The following GRK2 variants were observed in gnomAD, a reference collection of about 807,000 sequenced individuals.
GRK2 encodes the protein adrenergic beta receptor kinase 1.
A neutral mutation model predicts 97.8 loss-of-function variants in GRK2; 23 were observed. The ratio of observed to expected loss-of-function variants is 0.24; its 90% CI spans 0.17 to 0.33. GRK2 has a LOEUF of 0.33. Ranked by LOEUF, GRK2 falls within the 10% of genes least tolerant of loss-of-function variation. GRK2 has a pLI of 1.00. For synonymous variants in GRK2, 425 were observed against 381.7 expected, an observed-to-expected ratio of 1.11 and a Z score of -1.32; for missense variants, 633 against 956.9, an observed-to-expected ratio of 0.66 and a Z score of 4.47.
In GRK2 at chr11:67,279,402, G is replaced by A. The variant is rs1157822246; in HGVS notation, c.265-16G>A. ...CTGCTGGGCTCTAGATGACCTGCAGGAATCCTGTCCTCCAGATCAAGAAGT... is the reference window on the plus strand; with the variant it reads ...CTGCTGGGCTCTAGATGACCTGCAGAAATCCTGTCCTCCAGATCAAGAAGT... On this transcript the variant is annotated splice_polypyrimidine_tract_variant and intron_variant, in intron 3 of 20. Transcript: ENST00000308595. The A allele has an allele frequency of 3.7e-6, 6 of 1,612,980 alleles. No homozygotes were observed. In the Admixed American group the frequency reaches 1.0e-4, roughly 27 times the overall value.
Position 67,283,784 on chromosome 11 carries a change from G to C in GRK2, c.1395+11G>C. ...GTCTTCTTGCAGAAGGTAACAGTCT[G>C]CGGCAGGGACTGGGGGTGCTCTGCA... On this transcript the variant is annotated intron_variant, in intron 16 of 20. Transcript: ENST00000308595. The C allele has an allele frequency of 6.2e-7, 1 of 1,613,488 alleles. No individual in the cohort carries two copies. Among genetic ancestry groups the C allele is most frequent in the Non-Finnish European group, 8.5e-7 (1 of 1,179,954 alleles).
intron 18 of GRK2, 172 bp downstream of exon 18, chr11:67,284,545 G>A: frequency 1.2e-6 from 1 of 801,094 alleles, no homozygotes; most frequent in Non-Finnish European, 1.9e-6. Context: ...AGCACTTTGG[G>A]AGGCCAAGGA....
In GRK2 at chr11:67,281,194, C is replaced by G; in HGVS notation, c.647+10C>G. 1 of 1,608,758 alleles carries G rather than the reference C, an allele frequency of 6.2e-7. No homozygotes were observed. Among genetic ancestry groups the G allele is most frequent in the South Asian group, 1.1e-5 (1 of 90,712 alleles). On this transcript the variant is annotated intron_variant, in intron 8 of 20. Transcript: ENST00000308595. The surrounding 1 kb of genome is among the most constrained non-coding windows in gnomAD (Gnocchi z 5.7). ...CTGACACAGGCAAGATGTGAGCACC[C>G]TGCTCGGCGCGGTGGGATACCTCGG...
Position 67,276,979 on chromosome 11 carries a change from GC to G in GRK2, c.114-291del, listed in dbSNP as rs1860044423. The G allele has an allele frequency of 3.4e-6, 1 of 292,084 alleles. No individual in the cohort carries two copies. The highest frequency in any genetic ancestry group is 7.5e-5 in the South Asian group (1 of 13,372). The allele number at this position is 292,084 out of a possible 1,614,324, so 18.1% of individuals were successfully genotyped here. ...TGACTTGGCCAAGTTCCCAAAGCCA[GC>G]CGGTGGCATCACTGGGACGAGACCC... On this transcript the variant is annotated intron_variant, in intron 1 of 20. Transcript: ENST00000308595. This position sits in a 1 kb window ranked among gnomAD's most constrained non-coding sequence, Gnocchi z 4.2.
Position 67,282,617 on chromosome 11 carries a change from A to G in GRK2, c.1160+75A>G. The G allele has an allele frequency of 6.4e-7, 1 of 1,568,214 alleles. No homozygotes were observed. Among genetic ancestry groups the G allele is most frequent in the East Asian group, 2.2e-5 (1 of 44,604 alleles). On this transcript the variant is annotated intron_variant, in intron 13 of 20. Transcript: ENST00000308595. This position sits in a 1 kb window ranked among gnomAD's most constrained non-coding sequence, Gnocchi z 6.9. ...CCTCCCCAATCCAGGTGGGATGCCA[A>G]AGGAGGGGAGCCCATAGCTGCCTTG... is the stretch of plus-strand genomic sequence containing the variant.
At chr11:67,272,294 G>A (rs754261443) in intron 1 of GRK2, among the ~76,000 whole-genome samples, 7 of 152,168 alleles carry the variant, frequency 4.6e-5, no homozygotes, top group Admixed American at 1.3e-4. Flanking sequence ...GTGCTCTAGT[G>A]GAGGCCGTTT....
chr11:67,273,914 A>G (rs1859965518), intron 1 of GRK2, among the ~76,000 whole-genome samples: 1 of 151,452 alleles, frequency 6.6e-6, no homozygotes, highest in Non-Finnish European at 1.5e-5. Context: ...GGAACCAAGC[A>G]TGCTTCCCCC....
chr11:67,266,734 GCTAC>G lies in GRK2; in HGVS notation c.38_41del (p.Tyr13Ter). On this transcript the variant is annotated frameshift_variant, in exon 1 of 21. Coordinates refer to ENST00000308595, the MANE Select transcript of GRK2 (RefSeq NM_001619.5). LOFTEE classifies it high-confidence loss of function. ...CTGGAGGCGGTGCTGGCCGACGTGA[GCTAC>G]CTGATGGCCATGGAGAAGAGCAAGG... 7.4e-7 allele frequency: 1 copy of G among 1,355,558 alleles called. No individual in the cohort carries two copies. The highest frequency in any genetic ancestry group is 9.6e-7 in the Non-Finnish European group (1 of 1,041,640). 84.0% of individuals were successfully genotyped at this position (1,355,558 alleles called of 1,614,324 possible).
chr11:67,266,908 C>T, intron 1 of GRK2, 96 bp downstream of exon 1: 1 of 469,190 alleles, frequency 2.1e-6, no homozygotes, highest in East Asian at 5.3e-5. Flanking sequence ...GCGACCTGGA[C>T]CCCCGGGGCC....
chr11:67,281,530 G>A lies in GRK2; in HGVS notation c.719G>A (p.Arg240His). Residue 240 changes from arginine to histidine, a missense_variant, in exon 9 of 21, where the codon CGC becomes CAC. Transcript: ENST00000308595. The surrounding 1 kb of genome is among the most constrained non-coding windows in gnomAD (Gnocchi z 5.7). ...KQGETLALNE[R>H]IMLSLVSTGD... ...GGGGAGACCCTGGCCCTGAACGAGCGCATCATGCTCTCGCTCGTCAGCACT... is the reference window on the plus strand; with the variant it reads ...GGGGAGACCCTGGCCCTGAACGAGCACATCATGCTCTCGCTCGTCAGCACT... 6.2e-7 allele frequency: 1 copy of A among 1,613,580 alleles called. No homozygotes were observed. Among genetic ancestry groups the A allele is most frequent in the Non-Finnish European group, 8.5e-7 (1 of 1,179,972 alleles).
chr11:67,281,196 G>A lies in GRK2; in HGVS notation c.647+12G>A. ...GACACAGGCAAGATGTGAGCACCCT[G>A]CTCGGCGCGGTGGGATACCTCGGGG... is the stretch of plus-strand genomic sequence containing the variant. On this transcript the variant is annotated intron_variant, in intron 8 of 20. Coordinates refer to ENST00000308595, the MANE Select transcript of GRK2 (RefSeq NM_001619.5). This position sits in a 1 kb window ranked among gnomAD's most constrained non-coding sequence, Gnocchi z 5.7. The A allele has an allele frequency of 1.2e-6, 2 of 1,608,746 alleles. No homozygotes were observed. Among genetic ancestry groups the A allele is most frequent in the Non-Finnish European group, 1.7e-6 (2 of 1,176,944 alleles).
At position 67,283,764 on chromosome 11, in the gene GRK2, C is replaced by G. The variant is rs774347169; in HGVS notation, c.1386C>G (p.Phe462Leu). Reference protein sequence around the residue: ...FFRSLDWQMVFLQKYPPPLIP... With the variant: ...FFRSLDWQMVLLQKYPPPLIP... ...GCTCCCTGGACTGGCAGATGGTCTT[C>G]TTGCAGAAGGTAACAGTCTGCGGCA... The change falls in exon 16 of 21, where the codon TTC becomes TTG. Residue 462 changes from phenylalanine (F) to leucine (L), a missense_variant. Phe to Leu is a conservative substitution (Grantham distance 22). Around this residue, in one of 4 missense-constraint regions of GRK2, gnomAD observed 68 missense variants for 71.0 expected, o/e 0.96. Transcript: ENST00000308595. The G allele has an allele frequency of 3.7e-6, 6 of 1,613,634 alleles. No homozygotes were observed. The highest frequency in any genetic ancestry group is 5.1e-6 in the Non-Finnish European group (6 of 1,180,006).
intron 1 of GRK2, among the ~76,000 whole-genome samples, chr11:67,273,139 C>T (rs1316579286): frequency 2.0e-5 from 3 of 152,230 alleles, no homozygotes; most frequent in African/African-American, 7.2e-5. Context: ...CATTGACATC[C>T]TCATTTTACA....
rs1057201173 is a variant in GRK2 at position 67,282,177 on chromosome 11, G to A, written c.958-94G>A. 22 of 1,333,478 alleles carry A rather than the reference G, an allele frequency of 1.6e-5. No individual in the cohort carries two copies. Among genetic ancestry groups the A allele is most frequent in the African/African-American group, 4.4e-5 (3 of 68,444 alleles). 82.6% of individuals were successfully genotyped at this position (1,333,478 alleles called of 1,614,324 possible). A position where few individuals can be genotyped will look rare whatever the true frequency, so the allele number is the denominator to read the frequency against. ...TTTGCCCTTTCTTTGGGTACCCATCGTCCTCTCCAGTGAAGCAGTGACCCA... is the reference window on the plus strand; with the variant it reads ...TTTGCCCTTTCTTTGGGTACCCATCATCCTCTCCAGTGAAGCAGTGACCCA... On this transcript the variant is annotated intron_variant, in intron 11 of 20. Transcript: ENST00000308595. This position sits in a 1 kb window ranked among gnomAD's most constrained non-coding sequence, Gnocchi z 6.9.
chr11:67,280,851 G>T (rs563940090), intron 7 of GRK2, 68 bp downstream of exon 7: 1 of 1,579,494 alleles, frequency 6.3e-7, no homozygotes, highest in Non-Finnish European at 8.7e-7. Flanking sequence ...AGCTGGGCCT[G>T]TGGCTTGGCT....
chr11:67,283,975 T>G (rs1164444807), intron 17 of GRK2, 26 bp downstream of exon 17: 3 of 1,569,326 alleles, frequency 1.9e-6, no homozygotes, highest in Admixed American at 1.8e-5. Context: ...TGGCCTCTTG[T>G]ACCTAGGCTG....
At chr11:67,273,902 A>G (rs1465773470) in intron 1 of GRK2, among the ~76,000 whole-genome samples, 3 of 152,010 alleles carry the variant, frequency 2.0e-5, no homozygotes, top group Non-Finnish European at 4.4e-5. Flanking sequence ...TGTCGCAGGC[A>G]GGGAACCAAG....
chr11:67,284,749 A>G, intron 18 of GRK2, 98 bp from the exon 19 acceptor site: 1 of 1,460,016 alleles, frequency 6.8e-7, no homozygotes, highest in Non-Finnish European at 9.2e-7. Context: ...AGATTGTGCC[A>G]CAGCCCTCCA....
At chr11:67,274,780 C>T (rs1859992777) in intron 1 of GRK2, among the ~76,000 whole-genome samples, 1 of 152,110 alleles carries the variant, frequency 6.6e-6, no homozygotes, top group Non-Finnish European at 1.5e-5. Flanking sequence ...TCCTGTGTCC[C>T]TGGGAGTCCC....
Sources: gnomAD v4.1 joint callset for allele counts (sites outside exome capture counted in the v4.1 genomes callset) on GRCh38, gnomAD v4.1.1 for gene constraint, gnomAD v4.1.1 regional missense constraint, Gnocchi (gnomAD v3.1) non-coding constraint, MANE v1.5 for transcripts, NCBI Gene and HGNC (gene_info 2026-07-23, HGNC 2026-07-21) for gene names.